The following NEK11 variants were observed in gnomAD, a reference collection of about 807,000 sequenced individuals.
NEK11 encodes the protein serine/threonine-protein kinase Nek11.
In NEK11, 72 loss-of-function variants were observed where a neutral mutation model predicts 80.7. That is an observed-to-expected ratio of 0.89 (90% CI 0.74 to 1.08). NEK11 has a LOEUF of 1.08. Among genes scored for constraint, NEK11 ranks in the 50% least tolerant of loss-of-function variants. The pLI, the probability that NEK11 is intolerant of heterozygous loss-of-function variation, is 0.00. For missense variants in NEK11, 764 were observed against 763.6 expected (o/e 1.00, Z -0.01); for synonymous variants, 251 against 260.7 (o/e 0.96, Z 0.36).
intron 4 of NEK11, among the ~76,000 whole-genome samples, chr3:131,104,311 G>A (rs1434613623): frequency 6.6e-6 from 1 of 152,150 alleles, no homozygotes; most frequent in Admixed American, 6.5e-5. Context: ...TGGCACAGCT[G>A]CTCTGGGGGC....
intron 7 of NEK11, 87 bp downstream of exon 7, chr3:131,134,043 C>T: frequency 8.6e-7 from 1 of 1,158,882 alleles, no homozygotes; most frequent in Non-Finnish European, 1.2e-6. Context: ...TTACTGCATA[C>T]ATTCACTTTA....
intron 14 of NEK11, among the ~76,000 whole-genome samples, chr3:131,204,889 A>G (rs552154873): frequency 1.8e-4 from 28 of 152,260 alleles, no homozygotes; most frequent in Non-Finnish European, 3.8e-4. Context: ...CAGAATATTG[A>G]TGGGGAGAGG....
intron 3 of NEK11, among the ~76,000 whole-genome samples, chr3:131,049,633 G>A (rs2068015625): frequency 6.6e-6 from 1 of 152,164 alleles, no homozygotes; most frequent in African/African-American, 2.4e-5. Context: ...TGTCAAACGT[G>A]TATTTTCTAC....
At chr3:131,142,052 C>T (rs1265945881) in intron 7 of NEK11, among the ~76,000 whole-genome samples, 1 of 152,164 alleles carries the variant, frequency 6.6e-6, no homozygotes, top group Admixed American at 6.5e-5. Flanking sequence ...AGTTTCTGCT[C>T]CAGTTGCAGT....
chr3:131,320,410 G>A (rs1209606766), intron 17 of NEK11, among the ~76,000 whole-genome samples: 1 of 151,988 alleles, frequency 6.6e-6, no homozygotes, highest in African/African-American at 2.4e-5. Context: ...ATGCAAGGCT[G>A]GTGTTCTCCT....
At chr3:131,251,561 A>T (rs912197613) in intron 16 of NEK11, among the ~76,000 whole-genome samples, 1 of 152,144 alleles carries the variant, frequency 6.6e-6, no homozygotes, top group African/African-American at 2.4e-5. Context: ...TTTTCAGATT[A>T]TCTGATTGCA....
At chr3:131,031,120 T>C (rs1009569986) in intron 3 of NEK11, among the ~76,000 whole-genome samples, 1 of 152,242 alleles carries the variant, frequency 6.6e-6, no homozygotes, top group African/African-American at 2.4e-5. Flanking sequence ...GTCATAGGAA[T>C]TGTAAAGGTA....
chr3:131,175,487 G>C (rs2092951815), intron 14 of NEK11, among the ~76,000 whole-genome samples: 1 of 152,146 alleles, frequency 6.6e-6, no homozygotes, highest in East Asian at 1.9e-4. Context: ...AGTGAAAGAA[G>C]CCACACGTAA....
At chr3:131,112,900 G>C (rs1296227541) in intron 5 of NEK11, among the ~76,000 whole-genome samples, 1 of 152,172 alleles carries the variant, frequency 6.6e-6, no homozygotes, top group Non-Finnish European at 1.5e-5. Flanking sequence ...TTGGAGCATA[G>C]ACATTGAACT....
At chr3:131,098,279 G>C (rs1461995718) in intron 4 of NEK11, among the ~76,000 whole-genome samples, 1 of 152,068 alleles carries the variant, frequency 6.6e-6, no homozygotes, top group African/African-American at 2.4e-5. Flanking sequence ...CAAAAGCAAT[G>C]GCAGCAAAAG....
chr3:131,303,969 C>T (rs1419296872), intron 17 of NEK11, among the ~76,000 whole-genome samples: 4 of 152,180 alleles, frequency 2.6e-5, no homozygotes, highest in Non-Finnish European at 4.4e-5. Context: ...CTTTCTCTCC[C>T]TCTCTTTAAG....
At chr3:131,279,495 T>A (rs893959942) in intron 17 of NEK11, among the ~76,000 whole-genome samples, 1 of 152,238 alleles carries the variant, frequency 6.6e-6, no homozygotes, top group Non-Finnish European at 1.5e-5. Flanking sequence ...TAAACAGTTC[T>A]ATCAGTGTTG....
intron 14 of NEK11, among the ~76,000 whole-genome samples, chr3:131,186,501 C>T (rs2150228927): frequency 6.6e-6 from 1 of 152,250 alleles, no homozygotes; most frequent in South Asian, 2.1e-4. Flanking sequence ...GAAGGCATTT[C>T]TAAATGGGCG....
chr3:131,226,102 G>A (rs2095185557), intron 14 of NEK11, among the ~76,000 whole-genome samples: 1 of 152,058 alleles, frequency 6.6e-6, no homozygotes, highest in Admixed American at 6.6e-5. Context: ...AAAAGAGTGG[G>A]GAAAGAGGGA....
At chr3:131,046,199 C>T (rs939047370) in intron 3 of NEK11, among the ~76,000 whole-genome samples, 1 of 152,016 alleles carries the variant, frequency 6.6e-6, no homozygotes, top group African/African-American at 2.4e-5. Flanking sequence ...TTTTATCGGT[C>T]CTGTGAGATT....
intron 16 of NEK11, among the ~76,000 whole-genome samples, chr3:131,248,716 A>C (rs1030154218): frequency 1.3e-5 from 2 of 152,120 alleles, no homozygotes; most frequent in African/African-American, 4.8e-5. Flanking sequence ...CTTCACTGGG[A>C]TCTTTCCTTT....
At chr3:131,111,665 C>T (rs999725664) in intron 5 of NEK11, among the ~76,000 whole-genome samples, 3 of 152,090 alleles carry the variant, frequency 2.0e-5, no homozygotes, top group Non-Finnish European at 4.4e-5. Flanking sequence ...GAACCTGTTT[C>T]CTCATCTATT....
chr3:131,265,288 G>A (rs2096026090), intron 16 of NEK11, among the ~76,000 whole-genome samples: 1 of 152,136 alleles, frequency 6.6e-6, no homozygotes, highest in Non-Finnish European at 1.5e-5. Flanking sequence ...TTCTTGTCTT[G>A]TGCCAGTTTT....
chr3:131,075,253 T>A (rs778632651), intron 3 of NEK11, among the ~76,000 whole-genome samples: 2 of 152,184 alleles, frequency 1.3e-5, no homozygotes, highest in Non-Finnish European at 2.9e-5. Context: ...GTGCATATTG[T>A]GGCATATGGG....
Sources: allele counts gnomAD v4.1 joint callset (sites outside exome capture counted in the v4.1 genomes callset), GRCh38; gene constraint gnomAD v4.1.1; transcripts MANE v1.5; gene names NCBI Gene and HGNC (gene_info 2026-07-23, HGNC 2026-07-21).